CCDC171: variants seen among roughly 807,000 people sequenced by gnomAD.
The protein encoded by CCDC171 is coiled-coil domain containing 171.
A neutral mutation model predicts 168.2 loss-of-function variants in CCDC171; 177 were observed. The observed-to-expected ratio is 1.05, with a 90% CI of 0.93 to 1.19. The LOEUF (loss-of-function observed/expected upper bound fraction) is 1.19, where lower values mean the gene tolerates loss of function less well. Among genes scored for constraint, CCDC171 ranks in the 50% most tolerant of loss-of-function variants. CCDC171 has a pLI of 0.00. For synonymous variants in CCDC171, 687 were observed against 540.8 expected, an observed-to-expected ratio of 1.27 and a Z score of -3.75; for missense variants, 1,991 against 1,539.0, an observed-to-expected ratio of 1.29 and a Z score of -4.91.
intron 23 of CCDC171, among the ~76,000 whole-genome samples, chr9:15,852,400 A>G (rs115001606): frequency 0.012 from 1,797 of 151,752 alleles, 42 homozygotes; most frequent in African/African-American, 0.041. Context: ...GTCTCTTCAC[A>G]TCCTTTGCCC....
At chr9:15,959,952 G>A (rs1830184417) in intron 25 of CCDC171, among the ~76,000 whole-genome samples, 1 of 152,124 alleles carries the variant, frequency 6.6e-6, no homozygotes, top group East Asian at 1.9e-4. Flanking sequence ...TTTTGTTAGA[G>A]CTATCACCCA....
chr9:15,769,875 A>T (rs568969499), intron 18 of CCDC171, among the ~76,000 whole-genome samples: 5 of 152,282 alleles, frequency 3.3e-5, no homozygotes, highest in African/African-American at 1.2e-4. Context: ...AGACTTCAGA[A>T]CTCCTTCAAA....
chr9:15,936,353 T>C (rs1827119207), intron 25 of CCDC171, among the ~76,000 whole-genome samples: 1 of 152,050 alleles, frequency 6.6e-6, no homozygotes, highest in Non-Finnish European at 1.5e-5. Context: ...TTATTTTCTC[T>C]GGACAGTTTT....
rs1313018587 is a variant in CCDC171 at position 15,723,753 on chromosome 9, T to A, written c.1491+7T>A. ...TCACACTAAAAATATAAAGGTATTA[T>A]TTAGAATAACTTTTACCTTTTGTAT... On this transcript the variant is annotated splice_region_variant and intron_variant, in intron 13 of 25. Coordinates refer to ENST00000380701, the MANE Select transcript of CCDC171 (RefSeq NM_173550.4). 7.4e-7 allele frequency: 1 copy of A among 1,358,896 alleles called. No homozygotes were observed. The highest frequency in any genetic ancestry group is 2.4e-5 in the East Asian group (1 of 42,108). 84.2% of individuals were successfully genotyped at this position (1,358,896 alleles called of 1,614,324 possible).
chr9:15,604,186 C>T (rs912755649), intron 6 of CCDC171, among the ~76,000 whole-genome samples: 1 of 151,954 alleles, frequency 6.6e-6, no homozygotes, highest in Admixed American at 6.6e-5. Flanking sequence ...AATTTTCTCC[C>T]ATTCTGTAGG....
chr9:15,734,190 C>T (rs1170477106), intron 16 of CCDC171, among the ~76,000 whole-genome samples: 1 of 152,178 alleles, frequency 6.6e-6, no homozygotes, highest in Non-Finnish European at 1.5e-5. Flanking sequence ...TTTGACCCAT[C>T]TGTATACAAA....
chr9:15,823,506 G>A (rs1190508969), intron 21 of CCDC171, among the ~76,000 whole-genome samples: 1 of 152,018 alleles, frequency 6.6e-6, no homozygotes, highest in Non-Finnish European at 1.5e-5. Context: ...ACCTTGGCTA[G>A]GCACATTGCA....
chr9:16,026,783 A>G (rs1833282793), intron 6 of CCDC171, among the ~76,000 whole-genome samples: 1 of 152,250 alleles, frequency 6.6e-6, no homozygotes, highest in Non-Finnish European at 1.5e-5. Flanking sequence ...GTTTCACTGG[A>G]TAAAAAGCAA....
chr9:15,907,350 G>A (rs548313178), intron 24 of CCDC171, among the ~76,000 whole-genome samples: 1 of 152,080 alleles, frequency 6.6e-6, no homozygotes, highest in African/African-American at 2.4e-5. Context: ...CAGAAATAAT[G>A]CTGCATATCT....
the CCDC171 span, among the ~76,000 whole-genome samples, chr9:16,098,761 G>T: frequency 1.3e-5 from 2 of 152,164 alleles, no homozygotes; most frequent in African/African-American, 2.4e-5. Flanking sequence ...ACAATTTATT[G>T]ATCCATTTTC....
intron 11 of CCDC171, 141 bp downstream of exon 11, chr9:15,695,478 C>A: frequency 1.5e-6 from 1 of 678,514 alleles, no homozygotes; most frequent in Non-Finnish European, 2.6e-6. Context: ...GTTCTCACAG[C>A]AGTCAGTTGG....
chr9:15,627,128 T>C (rs1292557216), intron 7 of CCDC171, among the ~76,000 whole-genome samples: 1 of 152,228 alleles, frequency 6.6e-6, no homozygotes, highest in African/African-American at 2.4e-5. Flanking sequence ...TATTCTCTGA[T>C]GGTAGTTTGT....
rs558711603 is a variant in CCDC171 at position 15,988,105 on chromosome 9, A to G, written n.369-32484A>G. ...AATAAAAATATAACATACCATTAAT[A>G]CAGTGAAAAAAATTGTGTTCAGGGT... On this transcript the variant is annotated intron_variant and non_coding_transcript_variant, in intron 3 of 9. Transcript: ENST00000486641. 2.8e-4 allele frequency among the ~76,000 whole-genome samples: 43 copies of G among 152,322 alleles called. 2 individuals are homozygous for G. The South Asian group carries it at 8.1e-3, about 29-fold the overall frequency.
chr9:15,990,074 A>C (rs1048580269), intron 3 of CCDC171, among the ~76,000 whole-genome samples: 2 of 152,160 alleles, frequency 1.3e-5, no homozygotes, highest in African/African-American at 2.4e-5. Context: ...GGAAATACAG[A>C]GAACACCACA....
At chr9:16,061,496 A>C (rs145151118), downstream of CCDC171, 7 of 152,212 alleles carry the variant, frequency 4.6e-5, no homozygotes, top group East Asian at 1.4e-3. Context: ...TTTTATTTAT[A>C]TATTCTATTT....
intron 7 of CCDC171, among the ~76,000 whole-genome samples, chr9:15,641,351 T>C (rs940893039): frequency 6.6e-6 from 1 of 152,202 alleles, no homozygotes; most frequent in Non-Finnish European, 1.5e-5. Flanking sequence ...GTTTTTCTTC[T>C]TGACTAATTG....
At chr9:15,573,509 T>G (rs1213394490) in intron 3 of CCDC171, among the ~76,000 whole-genome samples, 1 of 152,080 alleles carries the variant, frequency 6.6e-6, no homozygotes, top group African/African-American at 2.4e-5. Context: ...CTTGAACTCC[T>G]CACCTCAGGT....
In CCDC171 at chr9:15,584,796, T is replaced by A. The variant is rs117696951; in HGVS notation, c.352+5773T>A. On this transcript the variant is annotated intron_variant, in intron 4 of 25. Transcript: ENST00000380701. Reference sequence around the variant, plus strand: ...AGCCCCAGTAATTACCTTTGGTGTTTAATAATAGTTACACGACTACCTGGA... The same window carrying A: ...AGCCCCAGTAATTACCTTTGGTGTTAAATAATAGTTACACGACTACCTGGA... 2.1e-4 allele frequency among the ~76,000 whole-genome samples: 32 copies of A among 152,282 alleles called. No homozygotes were observed. The East Asian group carries it at 5.4e-3, about 26-fold the overall frequency.
At chr9:15,888,376 T>G (rs2131441105) in intron 24 of CCDC171, among the ~76,000 whole-genome samples, 1 of 152,314 alleles carries the variant, frequency 6.6e-6, no homozygotes, top group South Asian at 2.1e-4. Context: ...TCATTCCAGT[T>G]AAGTATATAG....
Sources: gnomAD v4.1 joint callset for allele counts (sites outside exome capture counted in the v4.1 genomes callset) on GRCh38, gnomAD v4.1.1 for gene constraint, MANE v1.5 for transcripts, NCBI Gene and HGNC (gene_info 2026-07-23, HGNC 2026-07-21) for gene names.